The following OSTN variants were observed in gnomAD, a reference collection of about 807,000 sequenced individuals.
The protein encoded by OSTN is osteocrin.
OSTN carries 9 observed loss-of-function variants against 12.0 expected under a neutral mutation model. The observed-to-expected ratio is 0.75, with a 90% CI of 0.45 to 1.30. The LOEUF (loss-of-function observed/expected upper bound fraction) is 1.30. OSTN is among the 50% of genes most tolerant of loss of function. The pLI, the probability that OSTN is intolerant of heterozygous loss-of-function variation, is 0.00. For missense variants in OSTN, 148 were observed against 152.3 expected (o/e 0.97, Z 0.15); for synonymous variants, 59 against 56.9 (o/e 1.04, Z -0.16).
At chr3:191,213,817 T>C (rs952546279) in intron 2 of OSTN, among the ~76,000 whole-genome samples, 2 of 151,974 alleles carry the variant, frequency 1.3e-5, no homozygotes, top group Non-Finnish European at 2.9e-5. Context: ...TTGTGTAGTG[T>C]GTGTTAGTTG....
chr3:191,263,105 C>G lies in OSTN; in HGVS notation c.*252C>G, dbSNP rs1222386590. ...ATTATTCAAGAATGGTTAACTTCCC[C>G]TTAAACCTTACTTTTAAAAATAATA... On this transcript the variant is annotated 3_prime_UTR_variant, in exon 5 of 5. Coordinates refer to ENST00000682035, the MANE Select transcript of OSTN (RefSeq NM_198184.2). 1 of 456,162 alleles carries G rather than the reference C, an allele frequency of 2.2e-6. No individual in the cohort carries two copies. The highest frequency in any genetic ancestry group is 2.0e-5 in the African/African-American group (1 of 50,466). The allele number at this position is 456,162 out of a possible 1,614,324, so 28.3% of individuals were successfully genotyped here.
chr3:191,247,162 GT>G (rs1172913783), intron 3 of OSTN, among the ~76,000 whole-genome samples: 1 of 152,134 alleles, frequency 6.6e-6, no homozygotes, highest in Admixed American at 6.5e-5. Flanking sequence ...AAAGGAGACA[GT>G]TTTTCTTTTC....
In OSTN at chr3:191,250,097, C is replaced by A; in HGVS notation, c.378C>A (p.Asn126Lys). 1 of 1,613,312 alleles carries A rather than the reference C, an allele frequency of 6.2e-7. No homozygotes were observed. The highest frequency in any genetic ancestry group is 1.1e-5 in the South Asian group (1 of 91,062). Residue 126 changes from asparagine to lysine, a missense_variant, in exon 4 of 5, where the codon AAC (asparagine) becomes AAA (lysine). Transcript: ENST00000682035. The stretch of plus-strand genomic sequence containing the variant: ...TCCCCATGGATCGGATTGGTAGAAA[C>A]CGGCTTTCAAATTCCAGAGGCTAAT... The part of the protein sequence containing the change: ...FGIPMDRIGR[N>K]RLSNSRG
At chr3:191,205,431 C>A (rs967037504) in intron 1 of OSTN, among the ~76,000 whole-genome samples, 38 of 125,908 alleles carry the variant, frequency 3.0e-4, no homozygotes, top group Middle Eastern at 4.9e-3. Context: ...GGAGTCACGT[C>A]AAGTAAAAAA....
intron 2 of OSTN, 79 bp downstream of exon 2, chr3:191,212,713 A>G (rs1714491936): frequency 3.1e-6 from 1 of 322,870 alleles, no homozygotes; most frequent in Non-Finnish European, 5.2e-6. Flanking sequence ...ATAAAAGAAT[A>G]TATATTAAAA....
chr3:191,211,492 A>G (rs959657890), intron 1 of OSTN, among the ~76,000 whole-genome samples: 1 of 152,198 alleles, frequency 6.6e-6, no homozygotes, highest in African/African-American at 2.4e-5. Flanking sequence ...ATAAACATTG[A>G]CAGTTTCTCA....
At chr3:191,229,479 G>A (rs528290180) in intron 3 of OSTN, among the ~76,000 whole-genome samples, 6 of 152,116 alleles carry the variant, frequency 3.9e-5, no homozygotes, top group Non-Finnish European at 7.4e-5. Context: ...ATGAAGTAAG[G>A]TTTACAATAA....
intron 3 of OSTN, among the ~76,000 whole-genome samples, chr3:191,247,556 G>A (rs901027533): frequency 1.3e-5 from 2 of 152,146 alleles, no homozygotes; most frequent in African/African-American, 2.4e-5. Context: ...GAAGATGGAC[G>A]TAAATCAGCA....
At chr3:191,246,101 G>T (rs1023313913) in intron 3 of OSTN, among the ~76,000 whole-genome samples, 2 of 144,070 alleles carry the variant, frequency 1.4e-5, no homozygotes, top group African/African-American at 5.1e-5. Flanking sequence ...AAGAGTAAAC[G>T]TATTATTTTT....
chr3:191,215,728 T>C (rs534703003), intron 2 of OSTN, among the ~76,000 whole-genome samples: 150 of 152,338 alleles, frequency 9.8e-4, no homozygotes, highest in Non-Finnish European at 1.8e-3. Flanking sequence ...ATCCAGGTCA[T>C]GCTGATGCAA....
At chr3:191,223,458 G>A (rs1030182392) in intron 3 of OSTN, among the ~76,000 whole-genome samples, 36 of 152,292 alleles carry the variant, frequency 2.4e-4, no homozygotes, top group African/African-American at 8.7e-4. Context: ...ATAGTACACG[G>A]TTTGAAAAAA....
intron 3 of OSTN, among the ~76,000 whole-genome samples, chr3:191,229,169 C>T (rs573312884): frequency 1.3e-5 from 2 of 152,166 alleles, no homozygotes; most frequent in Non-Finnish European, 2.9e-5. Context: ...AAATAAATTA[C>T]AGCGTTTGAA....
At chr3:191,202,864 A>G (rs1243968719) in intron 1 of OSTN, among the ~76,000 whole-genome samples, 2 of 152,228 alleles carry the variant, frequency 1.3e-5, no homozygotes, top group Non-Finnish European at 2.9e-5. Context: ...AGAATTGCCT[A>G]CAATTATATA....
At chr3:191,256,749 TTAA>T (rs1715679350) in intron 4 of OSTN, among the ~76,000 whole-genome samples, 1 of 142,448 alleles carries the variant, frequency 7.0e-6, no homozygotes, top group Non-Finnish European at 1.5e-5. Context: ...TCATGTATTA[TTAA>T]TGCTAAAGCT....
intron 1 of OSTN, among the ~76,000 whole-genome samples, chr3:191,205,793 A>G (rs1356754246): frequency 1.3e-5 from 2 of 152,156 alleles, no homozygotes; most frequent in East Asian, 3.9e-4. Flanking sequence ...ATTCTATGGC[A>G]TCTGGAACCT....
intron 3 of OSTN, among the ~76,000 whole-genome samples, chr3:191,221,963 G>A (rs1267932590): frequency 6.6e-6 from 1 of 152,196 alleles, no homozygotes; most frequent in African/African-American, 2.4e-5. Context: ...GCTAAAAAGG[G>A]CCAAAGTATA....
chr3:191,252,059 GA>G (rs1210882901), intron 4 of OSTN, among the ~76,000 whole-genome samples: 4 of 150,344 alleles, frequency 2.7e-5, no homozygotes, highest in Admixed American at 6.6e-5. Flanking sequence ...ATTTTCATAT[GA>G]TTTTTTTTTG....
At chr3:191,245,019 T>C (rs1487900988) in intron 3 of OSTN, among the ~76,000 whole-genome samples, 1 of 152,182 alleles carries the variant, frequency 6.6e-6, no homozygotes, top group Non-Finnish European at 1.5e-5. Flanking sequence ...GGGGCCACTA[T>C]ATATTGTGTA....
At chr3:191,209,333 T>C (rs981272583) in intron 1 of OSTN, among the ~76,000 whole-genome samples, 6 of 152,194 alleles carry the variant, frequency 3.9e-5, no homozygotes, top group Admixed American at 2.6e-4. Context: ...CAGGTTTTGG[T>C]TGGTATTTTC....
Sources: allele counts gnomAD v4.1 joint callset (sites outside exome capture counted in the v4.1 genomes callset), GRCh38; gene constraint gnomAD v4.1.1; transcripts MANE v1.5; gene names NCBI Gene and HGNC (gene_info 2026-07-23, HGNC 2026-07-21).